Variants in NKAIN3 observed in about 807,000 individuals in gnomAD.
NKAIN3 encodes the protein sodium/potassium transporting ATPase interacting 3.
Under a neutral mutation model 30.2 loss-of-function variants are expected in NKAIN3, and 25 were observed. The ratio of observed to expected loss-of-function variants is 0.83; its 90% CI spans 0.60 to 1.16. The LOEUF is 1.16. Among genes scored for constraint, NKAIN3 ranks in the 50% most tolerant of loss-of-function variants. The probability of loss-of-function intolerance (pLI) is 0.00; values close to 1 mark genes in which losing one functional copy is unlikely to be tolerated. For synonymous variants in NKAIN3, 91 were observed against 89.6 expected (o/e 1.02, Z -0.09); for missense variants, 225 against 254.1 (o/e 0.89, Z 0.78).
At chr8:62,786,549 G>A (rs1447381206) in intron 4 of NKAIN3, among the ~76,000 whole-genome samples, 1 of 152,036 alleles carries the variant, frequency 6.6e-6, no homozygotes, top group Non-Finnish European at 1.5e-5. Flanking sequence ...CCTACAGAGG[G>A]TCCATCATGG....
At chr8:62,448,355 A>T (rs1805546027) in intron 1 of NKAIN3, among the ~76,000 whole-genome samples, 1 of 151,658 alleles carries the variant, frequency 6.6e-6, no homozygotes, top group South Asian at 2.1e-4. Context: ...TTTAGTTTTC[A>T]GTAATTTTAG....
intron 1 of NKAIN3, among the ~76,000 whole-genome samples, chr8:62,572,798 A>G (rs544639882): frequency 1.6e-4 from 24 of 152,286 alleles, no homozygotes; most frequent in African/African-American, 5.3e-4. Flanking sequence ...CCATGATTCA[A>G]TCATCTCCCA....
chr8:62,703,386 A>G (rs781630677), intron 3 of NKAIN3, among the ~76,000 whole-genome samples: 1 of 152,190 alleles, frequency 6.6e-6, no homozygotes, highest in Admixed American at 6.5e-5. Context: ...TATTAAAGCT[A>G]GGCTTCTACA....
At chr8:62,506,609 G>A (rs1170036467) in intron 1 of NKAIN3, among the ~76,000 whole-genome samples, 1 of 151,034 alleles carries the variant, frequency 6.6e-6, no homozygotes, top group Non-Finnish European at 1.5e-5. Context: ...CGAGTAGCTG[G>A]GACTACAGGC....
intron 5 of NKAIN3, among the ~76,000 whole-genome samples, chr8:62,952,195 T>C (rs28651093): frequency 0.017 from 2,640 of 152,266 alleles, 34 homozygotes; most frequent in Non-Finnish European, 0.026. Context: ...ATATTAAAGA[T>C]AAATATATTT....
intron 4 of NKAIN3, among the ~76,000 whole-genome samples, chr8:62,899,775 C>T (rs1210816503): frequency 6.6e-6 from 1 of 152,000 alleles, no homozygotes; most frequent in Non-Finnish European, 1.5e-5. Flanking sequence ...GGATAAAATG[C>T]TTGAAGGGAT....
rs562800338 is a variant in NKAIN3 at position 62,953,889 on chromosome 8, G to A, written c.533-13G>A. ...TTACACACTTATTCATATGGCCTAT[G>A]TTATATTTTCAGTTGATTTCATAGG... On this transcript the variant is annotated splice_polypyrimidine_tract_variant and intron_variant, in intron 5 of 6. Transcript: ENST00000623646. The A allele has an allele frequency of 1.5e-5, 14 of 917,996 alleles. No individual in the cohort carries two copies. In the South Asian group the frequency reaches 5.5e-4, roughly 36 times the overall value. 56.9% of individuals were successfully genotyped at this position (917,996 alleles called of 1,614,324 possible). A position where few individuals can be genotyped will look rare whatever the true frequency, so the allele number is the denominator to read the frequency against.
chr8:62,335,198 G>A (rs2129590352), intron 1 of NKAIN3, among the ~76,000 whole-genome samples: 1 of 152,130 alleles, frequency 6.6e-6, no homozygotes, highest in East Asian at 1.9e-4. Context: ...ATTTTGGGAG[G>A]CTGAGGCAGA....
intron 2 of NKAIN3, among the ~76,000 whole-genome samples, chr8:62,583,459 A>C (rs1810367124): frequency 6.6e-6 from 1 of 152,186 alleles, no homozygotes; most frequent in Non-Finnish European, 1.5e-5. Context: ...CAGGAAGGGG[A>C]GAGAAAGAAA....
chr8:62,888,875 T>C (rs990623822), intron 4 of NKAIN3, among the ~76,000 whole-genome samples: 1 of 152,198 alleles, frequency 6.6e-6, no homozygotes, highest in Admixed American at 6.5e-5. Flanking sequence ...TATTTATGTG[T>C]TATTCTGTGT....
chr8:62,729,198 G>T (rs1402400671), intron 3 of NKAIN3, among the ~76,000 whole-genome samples: 1 of 151,968 alleles, frequency 6.6e-6, no homozygotes, highest in African/African-American at 2.4e-5. Context: ...GATTTATTTA[G>T]AAAGAAGCCT....
intron 3 of NKAIN3, among the ~76,000 whole-genome samples, chr8:62,629,593 C>T (rs1186585255): frequency 6.6e-6 from 1 of 151,986 alleles, no homozygotes; most frequent in East Asian, 1.9e-4. Context: ...TCCATAAATG[C>T]TAGGCATTAT....
chr8:62,799,551 G>A (rs1024471802), intron 4 of NKAIN3, among the ~76,000 whole-genome samples: 7 of 152,170 alleles, frequency 4.6e-5, no homozygotes, highest in Non-Finnish European at 7.3e-5. Flanking sequence ...AATAGTAAAT[G>A]TTGATGTGGA....
Position 62,657,822 on chromosome 8 carries a change from T to C in NKAIN3, c.273+68028T>C, listed in dbSNP as rs117191655. ...GGTTTTTGCTCTTTTCTGAATGACCTTGGACAAGTTCGTGTCCCTTAGAGC... is the reference window on the plus strand; with the variant it reads ...GGTTTTTGCTCTTTTCTGAATGACCCTGGACAAGTTCGTGTCCCTTAGAGC... On this transcript the variant is annotated intron_variant, in intron 3 of 6. Coordinates refer to ENST00000623646, the MANE Select transcript of NKAIN3 (RefSeq NM_001304533.3). Among the ~76,000 whole-genome samples the C allele has an allele frequency of 2.8e-3, 434 of 152,318 alleles. 15 individuals are homozygous for C. The East Asian group carries it at 0.059, about 21-fold the overall frequency.
chr8:62,787,545 A>G (rs1415811861), intron 4 of NKAIN3, among the ~76,000 whole-genome samples: 1 of 152,200 alleles, frequency 6.6e-6, no homozygotes, highest in African/African-American at 2.4e-5. Context: ...TATTATTAAT[A>G]TACTTTAACT....
At chr8:62,287,164 C>A (rs1047692864) in intron 1 of NKAIN3, among the ~76,000 whole-genome samples, 1 of 151,128 alleles carries the variant, frequency 6.6e-6, no homozygotes, top group Non-Finnish European at 1.5e-5. Context: ...ATTACAGTAG[C>A]CCTTTGGCTC....
At chr8:62,718,715 T>C (rs1302087413) in intron 3 of NKAIN3, among the ~76,000 whole-genome samples, 1 of 152,182 alleles carries the variant, frequency 6.6e-6, no homozygotes, top group Non-Finnish European at 1.5e-5. Context: ...TTTTTAACCA[T>C]TTTCTTTGCT....
intron 3 of NKAIN3, among the ~76,000 whole-genome samples, chr8:62,665,710 G>A (rs1813077468): frequency 6.6e-6 from 1 of 152,084 alleles, no homozygotes; most frequent in African/African-American, 2.4e-5. Flanking sequence ...AGAATAGTCT[G>A]GTGGCTTCCT....
chr8:62,640,817 G>A, intron 3 of NKAIN3, among the ~76,000 whole-genome samples: 1 of 152,098 alleles, frequency 6.6e-6, no homozygotes, highest in East Asian at 1.9e-4. Context: ...ATCGAATCTG[G>A]TCTAGGACCT....
Sources: gnomAD v4.1 joint callset for allele counts (sites outside exome capture counted in the v4.1 genomes callset) on GRCh38, gnomAD v4.1.1 for gene constraint, MANE v1.5 for transcripts, NCBI Gene and HGNC (gene_info 2026-07-23, HGNC 2026-07-21) for gene names.